Variants in FGF12 observed in about 807,000 individuals in gnomAD.
The protein encoded by FGF12 is fibroblast growth factor 12B.
FGF12 carries 14 observed loss-of-function variants against 23.6 expected under a neutral mutation model. That is an observed-to-expected ratio of 0.59 (90% CI 0.39 to 0.93). The LOEUF (loss-of-function observed/expected upper bound fraction) is 0.93, where lower values mean the gene tolerates loss of function less well. Among genes scored for constraint, FGF12 ranks in the 40% least tolerant of loss-of-function variants. The probability of loss-of-function intolerance (pLI) is 0.00; values close to 1 mark genes in which losing one functional copy is unlikely to be tolerated. For missense variants in FGF12, 175 were observed against 217.8 expected (o/e 0.80, Z 1.24); for synonymous variants, 62 against 77.3 (o/e 0.80, Z 1.04).
intron 2 of FGF12, among the ~76,000 whole-genome samples, chr3:192,620,449 T>C (rs1714933076): frequency 6.6e-6 from 1 of 152,122 alleles, no homozygotes; most frequent in Non-Finnish European, 1.5e-5. Context: ...CATCCTTCCC[T>C]GCTGAGAATT....
At chr3:192,170,352 G>T in intron 5 of FGF12, 106 bp downstream of exon 5, 1 of 780,900 alleles carries the variant, frequency 1.3e-6, no homozygotes, top group Non-Finnish European at 2.2e-6. Context: ...TCTTTCTTCT[G>T]ATCTGTTGCA....
rs1721139782 is a variant in FGF12 at position 192,409,966 on chromosome 3, T to C, written c.14-49428A>G. Among the ~76,000 whole-genome samples, 1 of 151,590 alleles carries C rather than the reference T, an allele frequency of 6.6e-6. No individual in the cohort carries two copies. The highest frequency in any genetic ancestry group is 1.5e-5 in the Non-Finnish European group (1 of 67,832). On this transcript the variant is annotated intron_variant, in intron 2 of 5. Transcript: ENST00000445105. This position sits in a 1 kb window ranked among gnomAD's most constrained non-coding sequence, Gnocchi z 4.8. ...GGCGCTCAGGGTGGAGTCCCATTCA[T>C]GGGCTGAGGCTCTGGGCGCGCGGAG...
chr3:192,530,494 A>G lies in FGF12; in HGVS notation c.14-169956T>C, dbSNP rs186451606. 2.7e-3 allele frequency among the ~76,000 whole-genome samples: 418 copies of G among 152,296 alleles called. 4 individuals carry two copies. Among genetic ancestry groups the G allele is most frequent in the African/African-American group, 9.5e-3 (394 of 41,560 alleles). On this transcript the variant is annotated intron_variant, in intron 2 of 5. Coordinates refer to ENST00000445105, the MANE Select transcript of FGF12 (RefSeq NM_004113.6). ...CCTTTTCATCCTTTCATCCTTGAAG[A>G]TTTATTCAACAACAGCAATATTGCT... is the stretch of plus-strand genomic sequence containing the variant.
At chr3:192,665,332 G>T (rs971821549) in intron 2 of FGF12, among the ~76,000 whole-genome samples, 1 of 152,090 alleles carries the variant, frequency 6.6e-6, no homozygotes, top group African/African-American at 2.4e-5. Context: ...CAGATAAGTC[G>T]AAGCGAGAGA....
intron 2 of FGF12, among the ~76,000 whole-genome samples, chr3:192,714,161 C>T (rs965789016): frequency 3.3e-5 from 5 of 152,122 alleles, no homozygotes; most frequent in Admixed American, 3.3e-4. Flanking sequence ...CTATTATTAT[C>T]TCCATTATAT....
intron 2 of FGF12, among the ~76,000 whole-genome samples, chr3:192,557,485 A>C (rs1711835798): frequency 6.6e-6 from 1 of 151,948 alleles, no homozygotes; most frequent in Non-Finnish European, 1.5e-5. Flanking sequence ...TTTACAAAAC[A>C]CTTAAAGAAG....
chr3:192,377,665 G>T (rs1719582646), intron 2 of FGF12, among the ~76,000 whole-genome samples: 1 of 152,170 alleles, frequency 6.6e-6, no homozygotes, highest in Admixed American at 6.5e-5. Flanking sequence ...CTGAATGACT[G>T]AGTCACGAAC....
chr3:192,444,228 G>A (rs1722285317), intron 2 of FGF12, among the ~76,000 whole-genome samples: 1 of 152,050 alleles, frequency 6.6e-6, no homozygotes, highest in Non-Finnish European at 1.5e-5. Flanking sequence ...GTTCTCTCCG[G>A]TCTGACCTTG....
In FGF12 at chr3:192,156,249, TC is replaced by T. The variant is rs1054839602; in HGVS notation, c.428-12123del. Among the ~76,000 whole-genome samples the T allele has an allele frequency of 5.9e-5, 9 of 152,282 alleles. No individual in the cohort carries two copies. The South Asian group carries it at 1.7e-3, about 28-fold the overall frequency. ...TCCCTATCTTTCTTGTCTTCCCAGT[TC>T]CCCAATCCTGTTCCACAAAAACTCA... is the stretch of plus-strand genomic sequence containing the variant. On this transcript the variant is annotated intron_variant, in intron 5 of 5. Coordinates refer to ENST00000445105, the MANE Select transcript of FGF12 (RefSeq NM_004113.6).
At position 192,568,858 on chromosome 3, in the gene FGF12, C is replaced by T. The variant is rs184720398; in HGVS notation, c.13+158323G>A. On this transcript the variant is annotated intron_variant, in intron 2 of 5. Transcript: ENST00000445105. ...TTTGCATACATGAGCATAGAGCCCACGTGACCACTCTAGGCTATGGGTAGA... is the reference window on the plus strand; with the variant it reads ...TTTGCATACATGAGCATAGAGCCCATGTGACCACTCTAGGCTATGGGTAGA... Among the ~76,000 whole-genome samples the T allele has an allele frequency of 1.4e-3, 212 of 152,178 alleles. 1 individual carries two copies. Among genetic ancestry groups the T allele is most frequent in the Non-Finnish European group, 9.4e-4 (64 of 68,010 alleles).
Position 192,203,172 on chromosome 3 carries a change from A to C in FGF12, c.229-32516T>G, listed in dbSNP as rs1340517543. Reference sequence around the variant, plus strand: ...GTGTGTGTGTGTGTACATGCACACTAGGTAAAAATAATGTTCTTCTGTAGT... The same window carrying C: ...GTGTGTGTGTGTGTACATGCACACTCGGTAAAAATAATGTTCTTCTGTAGT... On this transcript the variant is annotated intron_variant, in intron 4 of 5. Coordinates refer to ENST00000445105, the MANE Select transcript of FGF12 (RefSeq NM_004113.6). Among the ~76,000 whole-genome samples the C allele has an allele frequency of 2.0e-5, 3 of 151,862 alleles. No homozygotes were observed. The East Asian group carries it at 5.8e-4, about 29-fold the overall frequency.
chr3:192,583,386 T>C (rs1292950231), intron 2 of FGF12, among the ~76,000 whole-genome samples: 1 of 152,238 alleles, frequency 6.6e-6, no homozygotes, highest in Non-Finnish European at 1.5e-5. Context: ...CTTCCTTTTC[T>C]AGAGAAAATA....
At chr3:192,168,001 G>A (rs996497796) in intron 5 of FGF12, among the ~76,000 whole-genome samples, 3 of 151,276 alleles carry the variant, frequency 2.0e-5, no homozygotes, top group East Asian at 3.9e-4. Context: ...TCCTGACCTC[G>A]TGATCCGCCC....
chr3:192,481,856 C>T (rs972363833), intron 2 of FGF12, among the ~76,000 whole-genome samples: 6 of 152,192 alleles, frequency 3.9e-5, no homozygotes, highest in Admixed American at 1.3e-4. Context: ...GTATCCTAAC[C>T]ACTATGCAAC....
At chr3:192,444,015 C>G (rs1364165218) in intron 2 of FGF12, among the ~76,000 whole-genome samples, 3 of 152,176 alleles carry the variant, frequency 2.0e-5, no homozygotes, top group Non-Finnish European at 2.9e-5. Flanking sequence ...CATGGATTCT[C>G]AGAGTTCCGG....
chr3:192,509,162 G>A lies in FGF12; in HGVS notation c.14-148624C>T, dbSNP rs569856078. 6.6e-5 allele frequency among the ~76,000 whole-genome samples: 10 copies of A among 152,184 alleles called. No homozygotes were observed. In the East Asian group the frequency reaches 1.9e-3, roughly 29 times the overall value. ...ATGGAGAGGGAAAGAAAGAAGGGAG[G>A]GGTGGCAATTTGGAAGGTTAATTGG... On this transcript the variant is annotated intron_variant, in intron 2 of 5. Coordinates refer to ENST00000445105, the MANE Select transcript of FGF12 (RefSeq NM_004113.6).
At chr3:192,571,747 C>T (rs1179615572) in intron 2 of FGF12, among the ~76,000 whole-genome samples, 2 of 152,162 alleles carry the variant, frequency 1.3e-5, no homozygotes, top group African/African-American at 2.4e-5. Context: ...GAGCAACTTC[C>T]GAGCAGCTGC....
intron 3 of FGF12, among the ~76,000 whole-genome samples, chr3:192,352,895 C>T (rs889726082): frequency 6.6e-6 from 1 of 152,150 alleles, no homozygotes; most frequent in Non-Finnish European, 1.5e-5. Context: ...GATCTTTAAA[C>T]ACACTTTGAG....
At chr3:192,497,856 T>C (rs867777368) in intron 2 of FGF12, among the ~76,000 whole-genome samples, 3 of 152,234 alleles carry the variant, frequency 2.0e-5, no homozygotes, top group Non-Finnish European at 2.9e-5. Context: ...ATTATACACA[T>C]GCAAGTTGTT....
Sources: gnomAD v4.1 joint callset for allele counts (sites outside exome capture counted in the v4.1 genomes callset) on GRCh38, gnomAD v4.1.1 for gene constraint, Gnocchi (gnomAD v3.1) non-coding constraint, MANE v1.5 for transcripts, NCBI Gene and HGNC (gene_info 2026-07-23, HGNC 2026-07-21) for gene names.